HVCN1: variants seen among roughly 807,000 people sequenced by gnomAD.
HVCN1 encodes the protein voltage-gated hydrogen channel 1.
A neutral mutation model predicts 29.2 loss-of-function variants in HVCN1; 14 were observed. The observed-to-expected ratio is 0.48, with a 90% CI of 0.32 to 0.75. The LOEUF (loss-of-function observed/expected upper bound fraction) is 0.75. Among genes scored for constraint, HVCN1 ranks in the 30% least tolerant of loss-of-function variants. The probability of loss-of-function intolerance (pLI) is 0.04; values close to 1 mark genes in which losing one functional copy is unlikely to be tolerated. For synonymous variants in HVCN1, 131 were observed against 133.2 expected, an observed-to-expected ratio of 0.98 and a Z score of 0.11; for missense variants, 263 against 341.8, an observed-to-expected ratio of 0.77 and a Z score of 1.82.
At chr12:110,689,202 C>T (rs1410873394), upstream of HVCN1, 5 of 149,524 alleles carry the variant, frequency 3.3e-5, no homozygotes, top group African/African-American at 1.2e-4. The surrounding 1 kb of genome is among the most constrained non-coding windows in gnomAD (Gnocchi z 5.7). Flanking sequence ...CCGCCCCCGT[C>T]CCCGCCCCCA....
rs554316433 is a variant in HVCN1 at position 110,683,547 on chromosome 12, T to C, written c.-19-283A>G. ...CCAAAAGGTGGAAACGACCCGCTTG[T>C]CCATCAATGGATGAATGGATCAACA... On this transcript the variant is annotated intron_variant, in intron 2 of 7. Coordinates refer to ENST00000242607, the MANE Select transcript of HVCN1 (RefSeq NM_032369.4). Among the ~76,000 whole-genome samples the C allele has an allele frequency of 1.7e-4, 26 of 152,312 alleles. No homozygotes were observed. In the South Asian group the frequency reaches 3.5e-3, roughly 21 times the overall value.
chr12:110,686,969 G>C (rs905071861), intron 2 of HVCN1, among the ~76,000 whole-genome samples: 1 of 152,148 alleles, frequency 6.6e-6, no homozygotes, highest in Admixed American at 6.5e-5. Context: ...CCTACTTTAG[G>C]GAAAAGCTGA....
At chr12:110,665,320 G>A (rs1307954003) in intron 3 of HVCN1, among the ~76,000 whole-genome samples, 1 of 152,186 alleles carries the variant, frequency 6.6e-6, no homozygotes, top group Admixed American at 6.5e-5. Context: ...CACTTTGGGA[G>A]GCCGAGGTGG....
chr12:110,670,276 T>C (rs2068530149), intron 3 of HVCN1, among the ~76,000 whole-genome samples: 1 of 152,182 alleles, frequency 6.6e-6, no homozygotes, highest in African/African-American at 2.4e-5. Context: ...TTCATTGTTA[T>C]CTGACAATCG....
At chr12:110,660,611 G>A (rs1219184463) in intron 4 of HVCN1, among the ~76,000 whole-genome samples, 2 of 152,258 alleles carry the variant, frequency 1.3e-5, no homozygotes, top group Admixed American at 6.5e-5. Flanking sequence ...TAAAGTTGGC[G>A]TAAAACTTAG....
Position 110,661,042 on chromosome 12 carries a change from TG to T in HVCN1, c.306+121del. On this transcript the variant is annotated intron_variant, in intron 4 of 7. Transcript: ENST00000242607. The surrounding 1 kb of genome is among the most constrained non-coding windows in gnomAD (Gnocchi z 6.2). ...AGGGTCCCCGGCACGTGGTAGGTGC[TG>T]GGCAAACACTCGTAGAATGAATGAG... 1 of 940,278 alleles carries T rather than the reference TG, an allele frequency of 1.1e-6. No individual in the cohort carries two copies. The highest frequency in any genetic ancestry group is 1.6e-6 in the Non-Finnish European group (1 of 609,082). 58.2% of individuals were successfully genotyped at this position (940,278 alleles called of 1,614,324 possible). A position where few individuals can be genotyped will look rare whatever the true frequency, so the allele number is the denominator to read the frequency against.
At chr12:110,684,660 T>C (rs1279891097) in intron 2 of HVCN1, among the ~76,000 whole-genome samples, 1 of 152,238 alleles carries the variant, frequency 6.6e-6, no homozygotes, top group Admixed American at 6.5e-5. Context: ...AAGGGAGTGA[T>C]CTGGGTGTGG....
chr12:110,702,471 A>G (rs1030621795), intron 1 of HVCN1: 4 of 151,894 alleles, frequency 2.6e-5, no homozygotes, highest in African/African-American at 4.8e-5. Flanking sequence ...ACAATAAACT[A>G]TTTAATTTAT....
upstream of HVCN1, among the ~76,000 whole-genome samples, chr12:110,693,926 C>T (rs1304267323): frequency 6.6e-6 from 1 of 152,184 alleles, no homozygotes; most frequent in African/African-American, 2.4e-5. Flanking sequence ...GGACTTGTTC[C>T]GGTTTGGGCA....
At chr12:110,697,762 T>C (rs2069516016) in intron 2 of HVCN1, among the ~76,000 whole-genome samples, 1 of 151,576 alleles carries the variant, frequency 6.6e-6, no homozygotes, top group Non-Finnish European at 1.5e-5. Flanking sequence ...GCGATTCTCC[T>C]GCCTCAGCCC....
intron 3 of HVCN1, among the ~76,000 whole-genome samples, chr12:110,671,144 C>G (rs959603517): frequency 6.6e-6 from 1 of 152,208 alleles, no homozygotes; most frequent in Middle Eastern, 3.4e-3. Flanking sequence ...CTGCCCAACA[C>G]ATTGAAAACC....
intron 3 of HVCN1, among the ~76,000 whole-genome samples, chr12:110,664,888 A>G (rs1347089800): frequency 6.6e-6 from 1 of 152,202 alleles, no homozygotes; most frequent in Non-Finnish European, 1.5e-5. Context: ...GAGCTGAACA[A>G]CTACCAGAAA....
chr12:110,698,286 C>G (rs1330393641), intron 2 of HVCN1, among the ~76,000 whole-genome samples: 1 of 152,238 alleles, frequency 6.6e-6, no homozygotes, highest in Non-Finnish European at 1.5e-5. Context: ...AGGCGTGAGC[C>G]TCTATGCCCA....
intron 3 of HVCN1, among the ~76,000 whole-genome samples, chr12:110,670,239 C>CAAATGCCT (rs1246834116): frequency 5.9e-5 from 9 of 152,136 alleles, no homozygotes; most frequent in Non-Finnish European, 5.9e-5. Flanking sequence ...CAGAAGCCGC[C>CAAATGCCT]ATCTGTGGGA....
intron 4 of HVCN1, among the ~76,000 whole-genome samples, chr12:110,660,404 A>G (rs1566035317): frequency 6.6e-6 from 1 of 152,232 alleles, no homozygotes; most frequent in African/African-American, 2.4e-5. Flanking sequence ...TAAGGCCAGG[A>G]CAGGCAGGTA....
intron 2 of HVCN1, among the ~76,000 whole-genome samples, chr12:110,696,731 G>A (rs539510473): frequency 2.0e-5 from 3 of 152,164 alleles, no homozygotes; most frequent in South Asian, 2.1e-4. Flanking sequence ...GTTTTCAAGC[G>A]TCATCCATGT....
At chr12:110,701,470 G>A (rs1046141625) in intron 2 of HVCN1, among the ~76,000 whole-genome samples, 8 of 152,204 alleles carry the variant, frequency 5.3e-5, no homozygotes, top group African/African-American at 1.9e-4. Flanking sequence ...CACTCCAGGA[G>A]ATCTTCAGGG....
At position 110,670,598 on chromosome 12, in the gene HVCN1, G is replaced by A. The variant is rs145028814; in HGVS notation, c.22-9150C>T. Among the ~76,000 whole-genome samples, 33 of 152,310 alleles carry A rather than the reference G, an allele frequency of 2.2e-4. No individual in the cohort carries two copies. In the East Asian group the frequency reaches 5.2e-3, roughly 24 times the overall value. ...CCTGGTGAGGGGGGGCCTTGTCCAAGGTCACACACTGTGGGGAACTGGAAA... is the reference window on the plus strand; with the variant it reads ...CCTGGTGAGGGGGGGCCTTGTCCAAAGTCACACACTGTGGGGAACTGGAAA... On this transcript the variant is annotated intron_variant, in intron 3 of 7. Transcript: ENST00000242607.
Position 110,668,971 on chromosome 12 carries a change from C to A in HVCN1, c.22-7523G>T, listed in dbSNP as rs2068472764. On this transcript the variant is annotated intron_variant, in intron 3 of 7. Coordinates refer to ENST00000242607, the MANE Select transcript of HVCN1 (RefSeq NM_032369.4). ...ATACCAGGAGTCCTGGAGACCTCAG[C>A]CTTGACCCTGTCCTTGGGCCGGTGA... Among the ~76,000 whole-genome samples the A allele has an allele frequency of 2.0e-5, 3 of 151,912 alleles. 1 individual carries two copies. Among genetic ancestry groups the A allele is most frequent in the Admixed American group, 2.0e-4 (3 of 15,260 alleles).
Sources: allele counts gnomAD v4.1 joint callset (sites outside exome capture counted in the v4.1 genomes callset), GRCh38; gene constraint gnomAD v4.1.1; non-coding constraint Gnocchi (gnomAD v3.1); transcripts MANE v1.5; gene names NCBI Gene and HGNC (gene_info 2026-07-23, HGNC 2026-07-21).